Variants in BLTP3B observed in about 807,000 individuals in gnomAD.
BLTP3B encodes the protein bridge-like lipid transfer protein family member 3B.
At chr12:100,056,612 CG>C in the BLTP3B span, among the ~76,000 whole-genome samples, 1 of 151,268 alleles carries the variant, frequency 6.6e-6, no homozygotes, top group African/African-American at 2.4e-5. Context: ...CCGAGGTGCA[CG>C]GATCATTCGA....
At chr12:100,119,138 T>A in the BLTP3B span, among the ~76,000 whole-genome samples, 2 of 152,114 alleles carry the variant, frequency 1.3e-5, no homozygotes, top group East Asian at 3.9e-4. Context: ...ATAAATAAAT[T>A]ATGTTTCTAT....
At chr12:100,082,392 T>C in the BLTP3B span, among the ~76,000 whole-genome samples, 2 of 152,224 alleles carry the variant, frequency 1.3e-5, no homozygotes, top group Non-Finnish European at 2.9e-5. Context: ...AGAAGCTCTT[T>C]AATGAGGTTT....
At chr12:100,098,311 C>T in the BLTP3B span, 1 of 1,518,478 alleles carries the variant, frequency 6.6e-7, no homozygotes. Context: ...TTTTACTTGT[C>T]ACTAAATGAA....
chr12:100,058,335 C>T, the BLTP3B span: 113 of 1,613,586 alleles, frequency 7.0e-5, no homozygotes, highest in Non-Finnish European at 8.6e-5. Flanking sequence ...AACAAGTCCA[C>T]TACTTTCATC....
the BLTP3B span, among the ~76,000 whole-genome samples, chr12:100,043,246 A>T: frequency 2.6e-5 from 4 of 152,336 alleles, no homozygotes; most frequent in Admixed American, 2.6e-4. Context: ...TCTGGAACCC[A>T]ATCAGCAATA....
the BLTP3B span, among the ~76,000 whole-genome samples, chr12:100,122,206 T>C: frequency 2.6e-5 from 4 of 152,142 alleles, no homozygotes; most frequent in Non-Finnish European, 4.4e-5. Context: ...AACCACCCCA[T>C]TGCATCTGCC....
chr12:100,127,957 G>A, the BLTP3B span, among the ~76,000 whole-genome samples: 1 of 152,052 alleles, frequency 6.6e-6, no homozygotes. Flanking sequence ...AGGTTATAAT[G>A]AGCTGTGACT....
the BLTP3B span, among the ~76,000 whole-genome samples, chr12:100,081,656 G>A: frequency 2.0e-5 from 3 of 152,180 alleles, no homozygotes; most frequent in African/African-American, 7.2e-5. Flanking sequence ...TTATAAGTGA[G>A]AATATGCAAT....
chr12:100,138,308 T>C, the BLTP3B span, among the ~76,000 whole-genome samples: 7 of 152,206 alleles, frequency 4.6e-5, no homozygotes, highest in Non-Finnish European at 7.3e-5. Flanking sequence ...CATTTCCCTT[T>C]TTACTTAAAT....
chr12:100,109,211 TC>T, the BLTP3B span, among the ~76,000 whole-genome samples: 1 of 116,728 alleles, frequency 8.6e-6, no homozygotes, highest in Non-Finnish European at 1.8e-5. Context: ...TCTCTCTCTC[TC>T]TCCTGCCACC....
the BLTP3B span, among the ~76,000 whole-genome samples, chr12:100,117,755 C>T: frequency 6.6e-6 from 1 of 152,160 alleles, no homozygotes; most frequent in African/African-American, 2.4e-5. Flanking sequence ...CCTGCTGTGG[C>T]CTCCCAAAGT....
chr12:100,078,970 C>A, the BLTP3B span, among the ~76,000 whole-genome samples: 1 of 152,196 alleles, frequency 6.6e-6, no homozygotes, highest in Non-Finnish European at 1.5e-5. Context: ...CCTGCACAAG[C>A]TCTCTCTTTG....
the BLTP3B span, among the ~76,000 whole-genome samples, chr12:100,108,210 C>A: frequency 1.3e-5 from 2 of 152,050 alleles, no homozygotes; most frequent in Non-Finnish European, 2.9e-5. Flanking sequence ...TTAATATATG[C>A]CTTTACACAT....
chr12:100,084,808 A>T, the BLTP3B span: 27 of 750,792 alleles, frequency 3.6e-5, no homozygotes, highest in Middle Eastern at 7.9e-4. Flanking sequence ...GTAATTTCGA[A>T]ATATGAGTAA....
chr12:100,128,793 G>C, the BLTP3B span: 1 of 1,181,886 alleles, frequency 8.5e-7, no homozygotes, highest in African/African-American at 1.6e-5. Flanking sequence ...GGAAAGGAAT[G>C]ATGATTAAAA....
chr12:100,096,463 A>T, the BLTP3B span, among the ~76,000 whole-genome samples: 1 of 152,174 alleles, frequency 6.6e-6, no homozygotes, highest in African/African-American at 2.4e-5. Context: ...AAATGAAATT[A>T]TAAGACAGTA....
the BLTP3B span, chr12:100,086,250 C>T: frequency 1.5e-6 from 2 of 1,310,768 alleles, no homozygotes; most frequent in Admixed American, 5.8e-5. Flanking sequence ...ACATTTATAT[C>T]TTTTAAAGAT....
the BLTP3B span, among the ~76,000 whole-genome samples, chr12:100,070,603 T>C: frequency 1.3e-5 from 2 of 152,228 alleles, no homozygotes; most frequent in South Asian, 2.1e-4. Flanking sequence ...ATAAAACAGA[T>C]AGACAGCCTT....
At chr12:100,056,837 GAA>G in the BLTP3B span, among the ~76,000 whole-genome samples, 2 of 149,294 alleles carry the variant, frequency 1.3e-5, no homozygotes, top group Non-Finnish European at 3.0e-5. Context: ...AAAAAAAAAA[GAA>G]AGAAAGAAAA....
Sources: gnomAD v4.1 joint callset for allele counts (sites outside exome capture counted in the v4.1 genomes callset) on GRCh38, gnomAD v4.1.1 for gene constraint, MANE v1.5 for transcripts, NCBI Gene and HGNC (gene_info 2026-07-23, HGNC 2026-07-21) for gene names.